The following NKAIN2 variants were observed in gnomAD, a reference collection of about 807,000 sequenced individuals.
The protein encoded by NKAIN2 is sodium/potassium transporting ATPase interacting 2, also known as sodium/potassium-transporting ATPase subunit beta-1-interacting protein 2.
Under a neutral mutation model 32.6 loss-of-function variants are expected in NKAIN2, and 14 were observed. The ratio of observed to expected loss-of-function variants is 0.43; its 90% CI spans 0.28 to 0.67. NKAIN2 has a LOEUF of 0.67. Among genes scored for constraint, NKAIN2 ranks in the 30% least tolerant of loss-of-function variants. The probability of loss-of-function intolerance (pLI) is 0.17; values close to 1 mark genes in which losing one functional copy is unlikely to be tolerated. For missense variants in NKAIN2, 198 were observed against 258.3 expected (o/e 0.77, Z 1.60); for synonymous variants, 80 against 87.2 (o/e 0.92, Z 0.46).
chr6:124,748,883 C>T (rs749304400), intron 4 of NKAIN2, among the ~76,000 whole-genome samples: 2 of 148,248 alleles, frequency 1.3e-5, no homozygotes, highest in Non-Finnish European at 3.0e-5. Context: ...CAAGTATATT[C>T]GTTTTCTATT....
intron 1 of NKAIN2, among the ~76,000 whole-genome samples, chr6:124,134,282 T>C (rs77194934): frequency 0.047 from 7,105 of 152,156 alleles, 257 homozygotes; most frequent in East Asian, 0.11. Flanking sequence ...CTAGAACAAG[T>C]GGAAGAAAGA....
chr6:123,846,138 C>T (rs1775079717), intron 1 of NKAIN2, among the ~76,000 whole-genome samples: 1 of 152,150 alleles, frequency 6.6e-6, no homozygotes, highest in Non-Finnish European at 1.5e-5. Context: ...AAGTGTTAAA[C>T]TTGGAGCAGC....
At chr6:124,623,600 A>G (rs1783192395) in intron 3 of NKAIN2, among the ~76,000 whole-genome samples, 1 of 152,232 alleles carries the variant, frequency 6.6e-6, no homozygotes, top group Non-Finnish European at 1.5e-5. Context: ...AAAACTCTAA[A>G]TTCAAGTGAC....
At chr6:124,201,635 C>T (rs766995146) in intron 1 of NKAIN2, among the ~76,000 whole-genome samples, 1 of 151,926 alleles carries the variant, frequency 6.6e-6, no homozygotes, top group Admixed American at 6.6e-5. Flanking sequence ...TAATTACTCT[C>T]GTAATTAAAA....
At chr6:124,019,614 T>G (rs1468194635) in intron 1 of NKAIN2, among the ~76,000 whole-genome samples, 1 of 152,162 alleles carries the variant, frequency 6.6e-6, no homozygotes, top group East Asian at 1.9e-4. Context: ...AAAATATATT[T>G]CAGTAAAAAC....
chr6:124,194,589 T>A (rs1562414790), intron 1 of NKAIN2, among the ~76,000 whole-genome samples: 1 of 152,162 alleles, frequency 6.6e-6, no homozygotes, highest in African/African-American at 2.4e-5. Context: ...TCTTTGGGGT[T>A]AATCAATATT....
At chr6:123,855,205 A>C (rs1279778748) in intron 1 of NKAIN2, among the ~76,000 whole-genome samples, 1 of 152,198 alleles carries the variant, frequency 6.6e-6, no homozygotes, top group Non-Finnish European at 1.5e-5. Context: ...GAATTTTCCT[A>C]ATGGAATTTC....
chr6:124,084,496 A>G (rs1379553772), intron 1 of NKAIN2, among the ~76,000 whole-genome samples: 1 of 151,938 alleles, frequency 6.6e-6, no homozygotes, highest in African/African-American at 2.4e-5. Flanking sequence ...TGAGAATGAA[A>G]TCACCTAACC....
intron 3 of NKAIN2, among the ~76,000 whole-genome samples, chr6:124,418,350 T>C (rs1257627561): frequency 6.6e-6 from 1 of 151,976 alleles, no homozygotes; most frequent in Non-Finnish European, 1.5e-5. Flanking sequence ...TTGTATGACA[T>C]AGGTCGGGTC....
chr6:124,298,218 CTT>C (rs1157768790), intron 2 of NKAIN2, among the ~76,000 whole-genome samples: 1 of 152,164 alleles, frequency 6.6e-6, no homozygotes, highest in African/African-American at 2.4e-5. Flanking sequence ...TTTCAATACT[CTT>C]TTAGCAGAAC....
chr6:124,732,530 A>C (rs12663834), intron 4 of NKAIN2, among the ~76,000 whole-genome samples: 62,613 of 151,884 alleles, frequency 0.41, 13,649 homozygotes, highest in Non-Finnish European at 0.5. Flanking sequence ...AGCTAGGTTT[A>C]TATCATTACT....
chr6:124,195,148 A>G (rs1415120537), intron 1 of NKAIN2, among the ~76,000 whole-genome samples: 2 of 151,756 alleles, frequency 1.3e-5, no homozygotes, highest in African/African-American at 2.4e-5. Flanking sequence ...ATTCCTTTGA[A>G]TAGCCTTTTT....
At chr6:124,658,075 AAAAC>A (rs1255466358) in intron 3 of NKAIN2, 107 bp from the exon 4 acceptor site, 10 of 837,870 alleles carry the variant, frequency 1.2e-5, no homozygotes, top group Admixed American at 8.3e-5. Context: ...TAGGAAAAAA[AAAAC>A]AAACAAACCC....
At chr6:124,347,520 G>T (rs1390392984) in intron 2 of NKAIN2, among the ~76,000 whole-genome samples, 2 of 152,140 alleles carry the variant, frequency 1.3e-5, no homozygotes, top group African/African-American at 4.8e-5. Flanking sequence ...ATTTCTTGGA[G>T]GCTTTGTTCG....
At chr6:124,820,994 A>G (rs998191275) in intron 6 of NKAIN2, among the ~76,000 whole-genome samples, 5 of 152,134 alleles carry the variant, frequency 3.3e-5, no homozygotes. Flanking sequence ...TACTATATTT[A>G]TGCTCAAGAG....
chr6:124,625,846 C>T (rs968096570), intron 3 of NKAIN2, among the ~76,000 whole-genome samples: 59 of 152,126 alleles, frequency 3.9e-4, no homozygotes, highest in African/African-American at 1.4e-3. Context: ...CAGAGTCAAA[C>T]AGTGTGTTTC....
At chr6:124,344,388 T>C (rs1798296756) in intron 2 of NKAIN2, among the ~76,000 whole-genome samples, 1 of 151,946 alleles carries the variant, frequency 6.6e-6, no homozygotes, top group Admixed American at 6.6e-5. Context: ...GGTAGCTTGA[T>C]GGGGATGGCA....
intron 1 of NKAIN2, among the ~76,000 whole-genome samples, chr6:123,940,758 AC>A (rs1157076006): frequency 6.6e-6 from 1 of 152,040 alleles, no homozygotes; most frequent in Non-Finnish European, 1.5e-5. Flanking sequence ...TGAGTGAGTC[AC>A]GGTGAGTGAA....
At chr6:124,615,904 G>A (rs755023541) in intron 3 of NKAIN2, among the ~76,000 whole-genome samples, 69 of 151,812 alleles carry the variant, frequency 4.5e-4, no homozygotes, top group Non-Finnish European at 7.9e-4. Context: ...TGGATATTAC[G>A]GTTGTAGTTC....
Sources: allele counts gnomAD v4.1 joint callset (sites outside exome capture counted in the v4.1 genomes callset), GRCh38; gene constraint gnomAD v4.1.1; transcripts MANE v1.5; gene names NCBI Gene and HGNC (gene_info 2026-07-23, HGNC 2026-07-21).